The following RASD2 variants were observed in gnomAD, a reference collection of about 807,000 sequenced individuals.
The protein encoded by RASD2 is RASD family member 2.
Under a neutral mutation model 15.8 loss-of-function variants are expected in RASD2, and 7 were observed. The observed-to-expected ratio is 0.44, with a 90% CI of 0.25 to 0.83. RASD2 has a LOEUF of 0.83. Among genes scored for constraint, RASD2 ranks in the 40% least tolerant of loss-of-function variants. The probability of loss-of-function intolerance (pLI) is 0.20; values close to 1 mark genes in which losing one functional copy is unlikely to be tolerated. For synonymous variants in RASD2, 155 were observed against 153.6 expected, an observed-to-expected ratio of 1.01 and a Z score of -0.07; for missense variants, 274 against 382.8, an observed-to-expected ratio of 0.72 and a Z score of 2.37.
chr22:35,539,850 C>T (rs2145865521), upstream of RASD2, among the ~76,000 whole-genome samples: 1 of 152,342 alleles, frequency 6.6e-6, no homozygotes, highest in African/African-American at 2.4e-5. Context: ...GGCCCGATGT[C>T]TGGCCTAGGT....
chr22:35,533,680 GGAT>G, the RASD2 span, among the ~76,000 whole-genome samples: 2 of 149,228 alleles, frequency 1.3e-5, no homozygotes, highest in African/African-American at 2.5e-5. Flanking sequence ...GTGATGATGG[GGAT>G]GATGATGACA....
In RASD2 at chr22:35,543,925, T is replaced by TCTGCCTCCTCTCTCTGACTCC. The variant is rs1231735667; in HGVS notation, c.-10+2443_-10+2463dup. ...TCTCACTGCCTCCTCTCTCTGACTC[T>TCTGCCTCCTCTCTCTGACTCC]CTGCCTCCTCTCTCTGACTCCCTGC... On this transcript the variant is annotated intron_variant, in intron 1 of 2. Coordinates refer to ENST00000216127, the MANE Select transcript of RASD2 (RefSeq NM_014310.4). Among the ~76,000 whole-genome samples the TCTGCCTCCTCTCTCTGACTCC allele has an allele frequency of 2.9e-3, 425 of 144,272 alleles. 6 individuals carry two copies. Among genetic ancestry groups the TCTGCCTCCTCTCTCTGACTCC allele is most frequent in the African/African-American group, 0.01 (382 of 38,152 alleles). 94.6% of individuals were successfully genotyped at this position (144,272 alleles called of 152,430 possible). A position where few individuals can be genotyped will look rare whatever the true frequency, so the allele number is the denominator to read the frequency against.
At chr22:35,533,203 C>T in the RASD2 span, among the ~76,000 whole-genome samples, 1 of 152,222 alleles carries the variant, frequency 6.6e-6, no homozygotes, top group African/African-American at 2.4e-5. Flanking sequence ...TCCTCCATTG[C>T]CATGGAACCT....
upstream of RASD2, among the ~76,000 whole-genome samples, chr22:35,537,371 A>G (rs1394531704): frequency 6.6e-6 from 1 of 152,230 alleles, no homozygotes; most frequent in East Asian, 1.9e-4. Flanking sequence ...GAATAAAAGG[A>G]TGAATCAGGC....
the RASD2 span, among the ~76,000 whole-genome samples, chr22:35,535,700 C>T: frequency 2.0e-5 from 3 of 152,158 alleles, no homozygotes; most frequent in African/African-American, 4.8e-5. Context: ...GTGCAAAGAC[C>T]TAGGGTACAG....
At chr22:35,534,663 G>C in the RASD2 span, among the ~76,000 whole-genome samples, 1 of 152,200 alleles carries the variant, frequency 6.6e-6, no homozygotes, top group East Asian at 1.9e-4. Flanking sequence ...TCAAGGACTA[G>C]ATGAGGTCAC....
rs566335267 is a variant in RASD2 at position 35,545,054 on chromosome 22, T to C, written c.-9-1747T>C. Among the ~76,000 whole-genome samples the C allele has an allele frequency of 3.9e-5, 6 of 152,218 alleles. No individual in the cohort carries two copies. In the South Asian group the frequency reaches 1.2e-3, roughly 32 times the overall value. On this transcript the variant is annotated intron_variant, in intron 1 of 2. Coordinates refer to ENST00000216127, the MANE Select transcript of RASD2 (RefSeq NM_014310.4). Reference sequence around the variant, plus strand: ...GTGCTGAGCTGGCTTATTGTGCACGTCCCTTTGTGATTCATTCATCGAAGT... The same window carrying C: ...GTGCTGAGCTGGCTTATTGTGCACGCCCCTTTGTGATTCATTCATCGAAGT...
chr22:35,543,392 C>G (rs1304971705), intron 1 of RASD2, among the ~76,000 whole-genome samples: 1 of 152,070 alleles, frequency 6.6e-6, no homozygotes, highest in African/African-American at 2.4e-5. Context: ...TCCCTGCCTC[C>G]TCTCTCTGAC....
At chr22:35,547,446 G>A (rs115286747) in intron 2 of RASD2, among the ~76,000 whole-genome samples, 1,933 of 152,292 alleles carry the variant, frequency 0.013, 44 homozygotes, top group African/African-American at 0.044. Context: ...GTCAGTCCAC[G>A]GGGCTCAGGT....
rs973148236 is a variant in RASD2 at position 35,552,208 on chromosome 22, T to A, written c.*176T>A. The A allele has an allele frequency of 3.8e-6, 3 of 785,496 alleles. No homozygotes were observed. Among genetic ancestry groups the A allele is most frequent in the Admixed American group, 5.9e-5 (2 of 34,056 alleles). The allele number at this position is 785,496 out of a possible 1,614,324, so 48.7% of individuals were successfully genotyped here. On this transcript the variant is annotated 3_prime_UTR_variant, in exon 3 of 3. Coordinates refer to ENST00000216127, the MANE Select transcript of RASD2 (RefSeq NM_014310.4). ...ACATTCGTCTGCCTTCTCACAGCTT[T>A]CCTGAGTCCGCTTGTCCACAGCTCC...
intron 2 of RASD2, among the ~76,000 whole-genome samples, chr22:35,547,629 T>C (rs1395274657): frequency 6.6e-6 from 1 of 152,208 alleles, no homozygotes; most frequent in East Asian, 1.9e-4. Context: ...ATGTAGTTTT[T>C]TTTGAAACAG....
chr22:35,547,575 A>C (rs1188896655), intron 2 of RASD2, among the ~76,000 whole-genome samples: 1 of 152,204 alleles, frequency 6.6e-6, no homozygotes, highest in Non-Finnish European at 1.5e-5. Flanking sequence ...ACTAGCTGAC[A>C]CTTATCAGAA....
rs1934686994 is a variant in RASD2 at position 35,552,106 on chromosome 22, C to A, written c.*74C>A. ...CCCAGATGCCCACTGTGCGCATCTC[C>A]CCACCGAGGCCCCGGCAGCAGTCTT... On this transcript the variant is annotated 3_prime_UTR_variant, in exon 3 of 3. Coordinates refer to ENST00000216127, the MANE Select transcript of RASD2 (RefSeq NM_014310.4). 2 of 1,487,928 alleles carry A rather than the reference C, an allele frequency of 1.3e-6. No individual in the cohort carries two copies. The highest frequency in any genetic ancestry group is 1.8e-6 in the Non-Finnish European group (2 of 1,110,972). The allele number at this position is 1,487,928 out of a possible 1,614,324, so 92.2% of individuals were successfully genotyped here.
chr22:35,533,066 C>T, the RASD2 span, among the ~76,000 whole-genome samples: 1 of 152,226 alleles, frequency 6.6e-6, no homozygotes, highest in Non-Finnish European at 1.5e-5. Flanking sequence ...TAAGACACTC[C>T]TCATATGGTT....
At chr22:35,542,457 C>T (rs1054955445) in intron 1 of RASD2, among the ~76,000 whole-genome samples, 24 of 152,362 alleles carry the variant, frequency 1.6e-4, no homozygotes, top group African/African-American at 5.3e-4. Flanking sequence ...CCCCAGGAAG[C>T]CAAGTCATTT....
intron 1 of RASD2, among the ~76,000 whole-genome samples, chr22:35,546,044 C>T (rs895639753): frequency 1.3e-5 from 2 of 152,168 alleles, no homozygotes; most frequent in Non-Finnish European, 2.9e-5. Context: ...TTCCCCATTC[C>T]ACATCCTCTA....
At position 35,551,135 on chromosome 22, in the gene RASD2, G is replaced by A. The variant is rs940351236; in HGVS notation, c.272-368G>A. On this transcript the variant is annotated intron_variant, in intron 2 of 2. Transcript: ENST00000216127. The surrounding 1 kb of genome is among the most constrained non-coding windows in gnomAD (Gnocchi z 4.9). ...ATTGAGCAAGACAGGCAGGACCCCT[G>A]CTCTCATAGAAATGATTTTTATTAT... 6.6e-6 allele frequency among the ~76,000 whole-genome samples: 1 copy of A among 152,204 alleles called. No homozygotes were observed. The highest frequency in any genetic ancestry group is 2.4e-5 in the African/African-American group (1 of 41,452).
the RASD2 span, among the ~76,000 whole-genome samples, chr22:35,533,637 ATGATGG>A: frequency 7.3e-5 from 11 of 151,258 alleles, no homozygotes; most frequent in South Asian, 2.1e-4. Flanking sequence ...AATGATGGTG[ATGATGG>A]TGATGATGAC....
At chr22:35,540,673 T>A (rs1336808991), upstream of RASD2, among the ~76,000 whole-genome samples, 1 of 152,064 alleles carries the variant, frequency 6.6e-6, no homozygotes, top group Non-Finnish European at 1.5e-5. Context: ...GGCATCTGCC[T>A]GCGAGAGGGG....
Sources: gnomAD v4.1 joint callset for allele counts (sites outside exome capture counted in the v4.1 genomes callset) on GRCh38, gnomAD v4.1.1 for gene constraint, Gnocchi (gnomAD v3.1) non-coding constraint, MANE v1.5 for transcripts, NCBI Gene and HGNC (gene_info 2026-07-23, HGNC 2026-07-21) for gene names.